The following PRPF18 variants were observed in gnomAD, a reference collection of about 807,000 sequenced individuals.
The protein encoded by PRPF18 is pre-mRNA processing factor 18.
A neutral mutation model predicts 46.5 loss-of-function variants in PRPF18; 38 were observed. That is an observed-to-expected ratio of 0.82 (90% CI 0.63 to 1.07). The LOEUF (loss-of-function observed/expected upper bound fraction) is 1.07. Among genes scored for constraint, PRPF18 ranks in the 50% least tolerant of loss-of-function variants. PRPF18 has a pLI of 0.00. For missense variants in PRPF18, 263 were observed against 410.0 expected (o/e 0.64, Z 3.10); for synonymous variants, 152 against 146.7 (o/e 1.04, Z -0.26).
chr10:13,592,553 G>C (rs889319168), intron 1 of PRPF18, among the ~76,000 whole-genome samples: 1 of 152,174 alleles, frequency 6.6e-6, no homozygotes, highest in Non-Finnish European at 1.5e-5. Flanking sequence ...GCTTGTGAGT[G>C]CCTCTTTCTC....
chr10:13,592,593 C>T (rs548601851), intron 1 of PRPF18, among the ~76,000 whole-genome samples: 1 of 152,328 alleles, frequency 6.6e-6, no homozygotes, highest in African/African-American at 2.4e-5. Flanking sequence ...AAGATATCCT[C>T]TTACCACCTG....
At chr10:13,595,046 C>A (rs2080013904) in intron 1 of PRPF18, among the ~76,000 whole-genome samples, 1 of 152,152 alleles carries the variant, frequency 6.6e-6, no homozygotes, top group African/African-American at 2.4e-5. Context: ...AGAAACTAGA[C>A]TTTTTATTTT....
chr10:13,619,583 A>G (rs965184345), intron 9 of PRPF18, among the ~76,000 whole-genome samples: 3 of 152,172 alleles, frequency 2.0e-5, no homozygotes, highest in Admixed American at 6.5e-5. Context: ...AGTCACTAAG[A>G]TAACGAGTGA....
At chr10:13,653,425 G>A in the PRPF18 span, 1 of 152,322 alleles carries the variant, frequency 6.6e-6, no homozygotes, top group African/African-American at 2.4e-5. Flanking sequence ...AGAATCACTT[G>A]AACCATGGAG....
chr10:13,646,519 A>G, the PRPF18 span: 1 of 152,244 alleles, frequency 6.6e-6, no homozygotes, highest in Admixed American at 6.5e-5. Context: ...TGGCCTACGT[A>G]TGGGTGGCAG....
intron 1 of PRPF18, among the ~76,000 whole-genome samples, chr10:13,588,061 C>A (rs1008259512): frequency 6.6e-6 from 1 of 152,116 alleles, no homozygotes; most frequent in Non-Finnish European, 1.5e-5. Flanking sequence ...TGCGGACGTG[C>A]CCCAGTGCTC....
intron 6 of PRPF18, among the ~76,000 whole-genome samples, chr10:13,613,004 T>C (rs964319843): frequency 5.9e-5 from 9 of 152,210 alleles, no homozygotes; most frequent in Non-Finnish European, 1.0e-4. Flanking sequence ...GTGTACAGTT[T>C]AGATACAACA....
rs765265585 is a variant in PRPF18, at chr10:13,630,323, G to A, written c.1012G>A (p.Glu338Lys). Residue 338 changes from glutamate (E) to lysine (K), a missense_variant, in exon 10 of 10, where the codon GAG becomes AAG. By Grantham distance (56) the Glu-to-Lys change is moderately conservative. Around this residue, in one of 4 missense-constraint regions of PRPF18, gnomAD observed 20 missense variants for 21.5 expected, o/e 0.93. Transcript: ENST00000378572. The part of the protein sequence containing the change: ...HFPTDPSKCV[E>K]YNAL ...TCCTACAGACCCATCCAAATGTGTG[G>A]AGTACAATGCACTGTGAGATCTGTG... 1 of 1,610,522 alleles carries A rather than the reference G, an allele frequency of 6.2e-7. No homozygotes were observed. Among genetic ancestry groups the A allele is most frequent in the Non-Finnish European group, 8.5e-7 (1 of 1,176,720 alleles).
At chr10:13,640,318 C>T in the PRPF18 span, 1 of 152,128 alleles carries the variant, frequency 6.6e-6, no homozygotes, top group Non-Finnish European at 1.5e-5. Flanking sequence ...TCAATCATCT[C>T]TCTTAGAATA....
intron 9 of PRPF18, among the ~76,000 whole-genome samples, chr10:13,618,107 G>T (rs1472843561): frequency 6.6e-6 from 1 of 152,186 alleles, no homozygotes; most frequent in Admixed American, 6.5e-5. Context: ...GACTGACTTG[G>T]ATGGCTATAC....
chr10:13,636,387 C>G, the PRPF18 span, among the ~76,000 whole-genome samples: 2 of 152,288 alleles, frequency 1.3e-5, no homozygotes, highest in East Asian at 1.9e-4. Context: ...CTGCTGCGTT[C>G]CAGCCTGGGT....
intron 4 of PRPF18, among the ~76,000 whole-genome samples, chr10:13,608,403 G>T (rs1253521208): frequency 6.6e-6 from 1 of 152,168 alleles, no homozygotes; most frequent in Non-Finnish European, 1.5e-5. Flanking sequence ...TGCTAGCCTG[G>T]GCTGTCTGAC....
At chr10:13,654,450 T>C in the PRPF18 span, 12 of 1,613,280 alleles carry the variant, frequency 7.4e-6, no homozygotes, top group African/African-American at 1.3e-4. Context: ...TGGGGGCTGC[T>C]TGGGGGGGTG....
intron 1 of PRPF18, among the ~76,000 whole-genome samples, chr10:13,595,755 A>T (rs1165163229): frequency 1.3e-5 from 2 of 152,174 alleles, no homozygotes; most frequent in Non-Finnish European, 2.9e-5. Flanking sequence ...ATTTCCGTAA[A>T]ACTGTGCTTG....
intron 1 of PRPF18, among the ~76,000 whole-genome samples, chr10:13,594,105 A>G (rs1457812749): frequency 6.6e-6 from 1 of 152,254 alleles, no homozygotes; most frequent in East Asian, 1.9e-4. Flanking sequence ...GGACACATTT[A>G]TTGATAATTA....
the PRPF18 span, chr10:13,645,508 A>G: frequency 1.3e-5 from 2 of 152,690 alleles, no homozygotes; most frequent in Non-Finnish European, 2.9e-5. Flanking sequence ...ATGGCTTTCC[A>G]GTTGTGTTTG....
At chr10:13,620,216 C>T (rs1323377735) in intron 9 of PRPF18, among the ~76,000 whole-genome samples, 1 of 152,182 alleles carries the variant, frequency 6.6e-6, no homozygotes, top group Non-Finnish European at 1.5e-5. Context: ...TCTCTAACTA[C>T]TCACCCATGC....
intron 9 of PRPF18, 52 bp from the exon 10 acceptor site, chr10:13,630,208 A>T: frequency 7.1e-7 from 1 of 1,402,956 alleles, no homozygotes; most frequent in Non-Finnish European, 1.0e-6. Flanking sequence ...GAAGGCAGTT[A>T]AGAATAATTT....
At chr10:13,619,870 A>G (rs892178534) in intron 9 of PRPF18, among the ~76,000 whole-genome samples, 1 of 151,892 alleles carries the variant, frequency 6.6e-6, no homozygotes, top group African/African-American at 2.4e-5. Context: ...GTATTCTCCT[A>G]TTTTTAAATG....
Sources: gnomAD v4.1 joint callset for allele counts (sites outside exome capture counted in the v4.1 genomes callset) on GRCh38, gnomAD v4.1.1 for gene constraint, gnomAD v4.1.1 regional missense constraint, MANE v1.5 for transcripts, NCBI Gene and HGNC (gene_info 2026-07-23, HGNC 2026-07-21) for gene names.